PLCB4: variants seen among roughly 807,000 people sequenced by gnomAD.
PLCB4 encodes the protein 1-phosphatidylinositol 4,5-bisphosphate phosphodiesterase beta-4.
In PLCB4, 77 loss-of-function variants were observed where a neutral mutation model predicts 178.8. The observed-to-expected ratio is 0.43, with a 90% CI of 0.36 to 0.52. The LOEUF (loss-of-function observed/expected upper bound fraction) is 0.52, where lower values mean the gene tolerates loss of function less well. Ranked by LOEUF, PLCB4 falls within the 20% of genes least tolerant of loss-of-function variation. The pLI is 0.00. For synonymous variants in PLCB4, 496 were observed against 490.8 expected (o/e 1.01, Z -0.14); for missense variants, 1,024 against 1,453.4 (o/e 0.70, Z 4.80).
intron 3 of PLCB4, among the ~76,000 whole-genome samples, chr20:9,266,680 C>T (rs938428444): frequency 6.6e-6 from 1 of 151,890 alleles, no homozygotes; most frequent in African/African-American, 2.4e-5. Flanking sequence ...CCCTATAGTA[C>T]TTGAACATTT....
At chr20:9,478,613 C>A (rs1249225988) in intron 39 of PLCB4, among the ~76,000 whole-genome samples, 1 of 152,166 alleles carries the variant, frequency 6.6e-6, no homozygotes, top group African/African-American at 2.4e-5. Flanking sequence ...AAGTGGTCTA[C>A]CCTCTTCTCA....
intron 4 of PLCB4, among the ~76,000 whole-genome samples, chr20:9,319,681 C>A (rs1353612268): frequency 6.6e-6 from 1 of 152,168 alleles, no homozygotes; most frequent in Non-Finnish European, 1.5e-5. Flanking sequence ...AGAGTGAATT[C>A]ATTCTTCCTC....
chr20:9,203,056 A>AAAT lies in PLCB4; in HGVS notation c.-78-14333_-78-14332insATA, dbSNP rs769628056. ...TGTCTTTGGTAAAAAAAAAAAAAAA[A>AAAT]ATATATATATATATATATATATATG... On this transcript the variant is annotated intron_variant, in intron 2 of 39. Coordinates refer to ENST00000378473, the MANE Select transcript of PLCB4 (RefSeq NM_001377142.1). Among the ~76,000 whole-genome samples the AAAT allele has an allele frequency of 2.0e-3, 246 of 126,134 alleles. 1 individual carries two copies. Among genetic ancestry groups the AAAT allele is most frequent in the Admixed American group, 3.1e-3 (38 of 12,418 alleles). 82.7% of individuals were successfully genotyped at this position (126,134 alleles called of 152,430 possible). A position where few individuals can be genotyped will look rare whatever the true frequency, so the allele number is the denominator to read the frequency against.
intron 35 of PLCB4, among the ~76,000 whole-genome samples, chr20:9,464,430 A>G (rs867943024): frequency 1.1e-4 from 16 of 152,256 alleles, no homozygotes; most frequent in African/African-American, 3.9e-4. Context: ...AACTAAGATC[A>G]GAGCAGAACT....
rs940570892 is a variant in PLCB4 at position 9,214,598 on chromosome 20, C to T, written c.-78-2792C>T. Reference sequence around the variant, plus strand: ...ACACACACACACACACACACAGCCTCTGTCTCTCACACACACACTCATGCA... The same window carrying T: ...ACACACACACACACACACACAGCCTTTGTCTCTCACACACACACTCATGCA... On this transcript the variant is annotated intron_variant, in intron 2 of 39. Coordinates refer to ENST00000378473, the MANE Select transcript of PLCB4 (RefSeq NM_001377142.1). Among the ~76,000 whole-genome samples the T allele has an allele frequency of 6.4e-4, 96 of 149,464 alleles. 1 individual carries two copies. The highest frequency in any genetic ancestry group is 2.3e-3 in the African/African-American group (91 of 40,116).
rs372841886 is a variant in PLCB4, at chr20:9,076,205, G to A, written c.-135+6999G>A. Among the ~76,000 whole-genome samples the A allele has an allele frequency of 5.3e-5, 8 of 152,204 alleles. No individual in the cohort carries two copies. The East Asian group carries it at 1.2e-3, about 22-fold the overall frequency. On this transcript the variant is annotated intron_variant, in intron 1 of 39. Coordinates refer to ENST00000378473, the MANE Select transcript of PLCB4 (RefSeq NM_001377142.1). Reference sequence around the variant, plus strand: ...CACCTGGCCGGGCGCGATGGCTCACGCCTGTAATTTCAGCACTTTGGGAGG... The same window carrying A: ...CACCTGGCCGGGCGCGATGGCTCACACCTGTAATTTCAGCACTTTGGGAGG...
intron 2 of PLCB4, among the ~76,000 whole-genome samples, chr20:9,144,713 GGGAAGAAGGGGA>G (rs2092562079): frequency 1.4e-5 from 1 of 72,536 alleles, no homozygotes; most frequent in African/African-American, 6.9e-5. Context: ...GGGGAAGAAG[GGGAAGAAGGGGA>G]AGGAGGGGAA....
At chr20:9,467,847 C>A (rs1174054693) in intron 35 of PLCB4, among the ~76,000 whole-genome samples, 1 of 152,126 alleles carries the variant, frequency 6.6e-6, no homozygotes, top group Non-Finnish European at 1.5e-5. Context: ...CAATAGATCT[C>A]CATAGGTTAT....
chr20:9,178,684 A>G (rs1203347150), intron 2 of PLCB4, among the ~76,000 whole-genome samples: 2 of 151,816 alleles, frequency 1.3e-5, no homozygotes, highest in Non-Finnish European at 2.9e-5. Flanking sequence ...TAACTTAATT[A>G]AAATACATTA....
intron 2 of PLCB4, among the ~76,000 whole-genome samples, chr20:9,141,492 A>T (rs1033805745): frequency 6.6e-6 from 1 of 152,140 alleles, no homozygotes; most frequent in African/African-American, 2.4e-5. Context: ...TTTTATTTAA[A>T]GATTCTACAC....
rs1218266309 is a variant in PLCB4 at position 9,466,745 on chromosome 20, G to A, written c.3249-1826G>A. 2.0e-5 allele frequency among the ~76,000 whole-genome samples: 3 copies of A among 152,206 alleles called. No individual in the cohort carries two copies. In the East Asian group the frequency reaches 5.8e-4, roughly 29 times the overall value. ...CCACAAGAGTTGCCATCTCACGCCAGTTAGAATGGCGATCATTAAAAAGTC... is the reference window on the plus strand; with the variant it reads ...CCACAAGAGTTGCCATCTCACGCCAATTAGAATGGCGATCATTAAAAAGTC... On this transcript the variant is annotated intron_variant, in intron 35 of 39. Transcript: ENST00000378473.
At chr20:9,178,608 A>C (rs2093193509) in intron 2 of PLCB4, among the ~76,000 whole-genome samples, 8 of 151,392 alleles carry the variant, frequency 5.3e-5, no homozygotes, top group Admixed American at 5.3e-4. Flanking sequence ...TAATTACTAA[A>C]ATTATATTAA....
chr20:9,301,255 G>A (rs1482076035), intron 3 of PLCB4, among the ~76,000 whole-genome samples: 1 of 152,006 alleles, frequency 6.6e-6, no homozygotes, highest in South Asian at 2.1e-4. Context: ...GCAGTTAGGA[G>A]GTGGGTATCT....
intron 1 of PLCB4, among the ~76,000 whole-genome samples, chr20:9,084,785 A>G (rs1159388145): frequency 6.6e-6 from 1 of 152,214 alleles, no homozygotes; most frequent in Non-Finnish European, 1.5e-5. Flanking sequence ...CATCTTCAAT[A>G]TAAAGCATGA....
At position 9,233,612 on chromosome 20, in the gene PLCB4, A is replaced by G. The variant is rs572006123; in HGVS notation, c.-16+16160A>G. ...TGAGCTTAGATCCAAATGATGAGAA[A>G]GAGCCAGGAATGTGAACTAAGAGTA... On this transcript the variant is annotated intron_variant, in intron 3 of 39. Coordinates refer to ENST00000378473, the MANE Select transcript of PLCB4 (RefSeq NM_001377142.1). Among the ~76,000 whole-genome samples the G allele has an allele frequency of 7.1e-4, 108 of 152,266 alleles. 1 individual carries two copies. The highest frequency in any genetic ancestry group is 2.3e-3 in the African/African-American group (97 of 41,568).
In PLCB4 at chr20:9,457,441, A is replaced by G. The variant is rs1005836233; in HGVS notation, c.3024A>G (p.Lys1008=). The G allele has an allele frequency of 6.4e-7, 1 of 1,566,788 alleles. No individual in the cohort carries two copies. The highest frequency in any genetic ancestry group is 1.4e-5 in the African/African-American group (1 of 74,020). Residue 1008 remains lysine, a synonymous_variant, in exon 34 of 40, where the codon AAA becomes AAG. Coordinates refer to ENST00000378473, the MANE Select transcript of PLCB4 (RefSeq NM_001377142.1). ...GAAGTAATTGTCTCGAAATGAAAAAAGAAACAGAAATCAAAATTCAGACGC... is the reference window on the plus strand; with the variant it reads ...GAAGTAATTGTCTCGAAATGAAAAAGGAAACAGAAATCAAAATTCAGACGC... ...KGGSNCLEMK[K]ETEIKIQTLT...
At chr20:9,455,099 T>C (rs1184272957) in intron 33 of PLCB4, among the ~76,000 whole-genome samples, 1 of 152,230 alleles carries the variant, frequency 6.6e-6, no homozygotes, top group African/African-American at 2.4e-5. Context: ...TATTTCTTTT[T>C]TGTAAATTAA....
At chr20:9,239,966 G>A (rs1356352131) in intron 3 of PLCB4, among the ~76,000 whole-genome samples, 2 of 152,180 alleles carry the variant, frequency 1.3e-5, no homozygotes, top group East Asian at 1.9e-4. Context: ...ATCTTCTCTT[G>A]CCTGCTTTAT....
chr20:9,278,381 A>C (rs907819526), intron 3 of PLCB4, among the ~76,000 whole-genome samples: 5 of 152,192 alleles, frequency 3.3e-5, no homozygotes, highest in African/African-American at 9.6e-5. Flanking sequence ...ACAGCACTGC[A>C]TATAAGAGTG....
Sources: gnomAD v4.1 joint callset for allele counts (sites outside exome capture counted in the v4.1 genomes callset) on GRCh38, gnomAD v4.1.1 for gene constraint, MANE v1.5 for transcripts, NCBI Gene and HGNC (gene_info 2026-07-23, HGNC 2026-07-21) for gene names.